Variants in SPATA16 observed in about 807,000 individuals in gnomAD.
The protein encoded by SPATA16 is spermatogenesis associated 16.
A neutral mutation model predicts 63.3 loss-of-function variants in SPATA16; 36 were observed. That is an observed-to-expected ratio of 0.57 (90% CI 0.44 to 0.75). The LOEUF is 0.75. SPATA16 is among the 30% of genes least tolerant of loss of function. SPATA16 has a pLI of 0.00. For synonymous variants in SPATA16, 203 were observed against 216.7 expected, an observed-to-expected ratio of 0.94 and a Z score of 0.56; for missense variants, 646 against 679.3, an observed-to-expected ratio of 0.95 and a Z score of 0.54.
intron 2 of SPATA16, among the ~76,000 whole-genome samples, chr3:173,067,798 AC>A (rs1432814389): frequency 6.6e-6 from 1 of 152,198 alleles, no homozygotes; most frequent in Non-Finnish European, 1.5e-5. Flanking sequence ...CAGAAATAAG[AC>A]TATGGTATAT....
At chr3:172,985,196 T>C (rs895602179) in intron 4 of SPATA16, among the ~76,000 whole-genome samples, 8 of 152,244 alleles carry the variant, frequency 5.3e-5, no homozygotes, top group African/African-American at 1.9e-4. Flanking sequence ...TTCTGGCTTA[T>C]TAATATGACA....
chr3:173,090,031 C>T (rs1042107028), intron 2 of SPATA16, among the ~76,000 whole-genome samples: 1 of 152,094 alleles, frequency 6.6e-6, no homozygotes, highest in Non-Finnish European at 1.5e-5. Flanking sequence ...CAAAATAAAA[C>T]AAAGAGGAAG....
chr3:172,893,335 T>C (rs111716705), intron 10 of SPATA16, among the ~76,000 whole-genome samples: 2,368 of 152,082 alleles, frequency 0.016, 50 homozygotes, highest in African/African-American at 0.054. Context: ...AAGAATACCA[T>C]GTGAAGAGGA....
intron 5 of SPATA16, among the ~76,000 whole-genome samples, chr3:172,969,829 C>T (rs1734007092): frequency 6.6e-6 from 1 of 152,106 alleles, no homozygotes; most frequent in Admixed American, 6.6e-5. Flanking sequence ...ATGTTAGAAA[C>T]GATGGTATGA....
chr3:173,034,225 A>G (rs1467474980), intron 3 of SPATA16, among the ~76,000 whole-genome samples: 3 of 152,154 alleles, frequency 2.0e-5, no homozygotes, highest in Non-Finnish European at 4.4e-5. Flanking sequence ...GTTTGTCTGC[A>G]TTCTATTATT....
intron 2 of SPATA16, among the ~76,000 whole-genome samples, chr3:173,113,957 A>ATC (rs1427408255): frequency 2.0e-5 from 3 of 152,150 alleles, no homozygotes; most frequent in Admixed American, 2.0e-4. Context: ...AGGTGGGTGG[A>ATC]TCACCTGATG....
At chr3:173,026,906 T>C (rs1485900880) in intron 3 of SPATA16, among the ~76,000 whole-genome samples, 3 of 152,060 alleles carry the variant, frequency 2.0e-5, no homozygotes, top group Admixed American at 6.6e-5. Context: ...TTTGGACTTA[T>C]TGAAATTCTG....
chr3:173,075,008 A>AAAAAAAAAAG, intron 2 of SPATA16, among the ~76,000 whole-genome samples: 1 of 146,126 alleles, frequency 6.8e-6, no homozygotes, highest in Non-Finnish European at 1.5e-5. Flanking sequence ...AAAAAAAAAA[A>AAAAAAAAAAG]AAAAGGAAAG....
intron 5 of SPATA16, among the ~76,000 whole-genome samples, chr3:172,960,179 T>TA (rs1733715929): frequency 1.3e-5 from 2 of 152,304 alleles, no homozygotes; most frequent in South Asian, 4.1e-4. Flanking sequence ...ATGCTGGTTG[T>TA]AAAAAATAAG....
chr3:173,036,443 A>G (rs201844423), intron 3 of SPATA16, among the ~76,000 whole-genome samples: 7 of 152,170 alleles, frequency 4.6e-5, no homozygotes, highest in East Asian at 3.9e-4. Flanking sequence ...AAATGTGTCA[A>G]CATTCAGAAA....
intron 2 of SPATA16, among the ~76,000 whole-genome samples, chr3:173,112,982 T>G (rs1383287433): frequency 6.6e-6 from 1 of 152,238 alleles, no homozygotes; most frequent in African/African-American, 2.4e-5. Context: ...TAGAAAAACC[T>G]TTGATAATTT....
In SPATA16 at chr3:172,916,489, CAAAGT is replaced by C; in HGVS notation, c.1339-13_1339-9del. The C allele has an allele frequency of 6.2e-7, 1 of 1,613,524 alleles. No individual in the cohort carries two copies. Among genetic ancestry groups the C allele is most frequent in the Non-Finnish European group, 8.5e-7 (1 of 1,179,582 alleles). ...GGATGCAGGAAAACTCCCCTAGTCTCAAAGTAAAAGAAATGTTTTAGAACAAAACC... is the reference window on the plus strand; with the variant it reads ...GGATGCAGGAAAACTCCCCTAGTCTCAAAAGAAATGTTTTAGAACAAAACC... On this transcript the variant is annotated splice_polypyrimidine_tract_variant and intron_variant, in intron 8 of 10. Coordinates refer to ENST00000351008, the MANE Select transcript of SPATA16 (RefSeq NM_031955.6).
At chr3:173,022,023 A>G (rs1206748042) in intron 3 of SPATA16, among the ~76,000 whole-genome samples, 1 of 150,994 alleles carries the variant, frequency 6.6e-6, no homozygotes, top group African/African-American at 2.4e-5. Context: ...GCTGGGAAGG[A>G]GGGGTAGTGA....
chr3:172,953,908 A>G (rs1733509760), intron 6 of SPATA16, among the ~76,000 whole-genome samples: 1 of 152,240 alleles, frequency 6.6e-6, no homozygotes, highest in African/African-American at 2.4e-5. Flanking sequence ...GATGAGACAG[A>G]ATATATTTTG....
intron 6 of SPATA16, among the ~76,000 whole-genome samples, chr3:172,945,082 T>C (rs1733248411): frequency 6.6e-6 from 1 of 152,174 alleles, no homozygotes; most frequent in Non-Finnish European, 1.5e-5. Flanking sequence ...ATCCGAAAAA[T>C]CTTGGGAACT....
At position 173,139,462 on chromosome 3, in the gene SPATA16, A is replaced by G. The variant is rs560317614; in HGVS notation, c.-19+1641T>C. On this transcript the variant is annotated intron_variant, in intron 1 of 10. Coordinates refer to ENST00000351008, the MANE Select transcript of SPATA16 (RefSeq NM_031955.6). ...TTACTTTCCAAGAAGATGACTCAAC[A>G]TATTCTACACTAGTTGAAAGACAAT... Among the ~76,000 whole-genome samples the G allele has an allele frequency of 4.7e-4, 72 of 152,332 alleles. 1 individual carries two copies. The highest frequency in any genetic ancestry group is 3.4e-3 in the Middle Eastern group (1 of 294).
chr3:173,113,402 C>T (rs574221896), intron 2 of SPATA16, among the ~76,000 whole-genome samples: 2 of 152,222 alleles, frequency 1.3e-5, no homozygotes, highest in South Asian at 4.1e-4. Flanking sequence ...GGTCATAGAG[C>T]TAAGGACCAA....
At chr3:172,889,784 C>T in intron 10 of SPATA16, 92 bp from the exon 11 acceptor site, 1 of 1,529,764 alleles carries the variant, frequency 6.5e-7, no homozygotes, top group Non-Finnish European at 8.8e-7. Flanking sequence ...AAATAAATGG[C>T]ACATACAAAT....
intron 4 of SPATA16, among the ~76,000 whole-genome samples, chr3:173,015,403 G>A (rs541262): frequency 0.16 from 24,462 of 151,994 alleles, 2,153 homozygotes; most frequent in African/African-American, 0.23. Context: ...AGACTTTGTT[G>A]CATTTTTTCT....
Sources: gnomAD v4.1 joint callset for allele counts (sites outside exome capture counted in the v4.1 genomes callset) on GRCh38, gnomAD v4.1.1 for gene constraint, MANE v1.5 for transcripts, NCBI Gene and HGNC (gene_info 2026-07-23, HGNC 2026-07-21) for gene names.